The following GFOD1 variants were observed in gnomAD, a reference collection of about 807,000 sequenced individuals.
GFOD1 encodes the protein glucose-fructose oxidoreductase domain-containing protein 1.
GFOD1 carries 9 observed loss-of-function variants against 25.4 expected under a neutral mutation model. That is an observed-to-expected ratio of 0.35 (90% confidence interval 0.21 to 0.62). The LOEUF (loss-of-function observed/expected upper bound fraction) is 0.62, where lower values mean the gene tolerates loss of function less well. Ranked by LOEUF, GFOD1 falls within the 20% of genes least tolerant of loss-of-function variation. The pLI is 0.72. For missense variants in GFOD1, 403 were observed against 556.9 expected (o/e 0.72, Z 2.78); for synonymous variants, 253 against 245.6 (o/e 1.03, Z -0.28).
intron 1 of GFOD1, among the ~76,000 whole-genome samples, chr6:13,434,932 G>A (rs1757810361): frequency 6.6e-6 from 1 of 152,214 alleles, no homozygotes; most frequent in African/African-American, 2.4e-5. Context: ...GCGGCAGCAA[G>A]GTCACTGCAG....
rs1383096230 is a variant in GFOD1, at chr6:13,487,578, G to C, written c.-688C>G. On this transcript the variant is annotated 5_prime_UTR_variant, in exon 1 of 2. Transcript: ENST00000379287. This position sits in a 1 kb window ranked among gnomAD's most constrained non-coding sequence, Gnocchi z 4.9. ...CTCGCCTCGCGGCTCGGGCGGCCTC[G>C]GCCCCAGGCCGGCTCAGGCTCTGGG... 1.3e-5 allele frequency: 2 copies of C among 151,832 alleles called. No individual in the cohort carries two copies. Among genetic ancestry groups the C allele is most frequent in the African/African-American group, 4.8e-5 (2 of 41,368 alleles). The allele number at this position is 151,832 out of a possible 1,614,324, so 9.4% of individuals were successfully genotyped here.
chr6:13,473,722 T>C (rs1462583902), intron 1 of GFOD1, among the ~76,000 whole-genome samples: 1 of 152,182 alleles, frequency 6.6e-6, no homozygotes, highest in Non-Finnish European at 1.5e-5. Context: ...TCCTTTTCAA[T>C]TATTTAAATC....
chr6:13,394,975 G>T (rs1785698976), intron 1 of GFOD1, among the ~76,000 whole-genome samples: 2 of 152,072 alleles, frequency 1.3e-5, no homozygotes, highest in Admixed American at 6.6e-5. Flanking sequence ...TAGAGATAGG[G>T]TCTCACTGTG....
chr6:13,410,896 T>G (rs1485871819), intron 1 of GFOD1, among the ~76,000 whole-genome samples: 1 of 152,132 alleles, frequency 6.6e-6, no homozygotes, highest in Non-Finnish European at 1.5e-5. Flanking sequence ...ACCCTCTGCC[T>G]CAGCACAGAA....
At chr6:13,483,106 T>C (rs1409385088) in intron 1 of GFOD1, among the ~76,000 whole-genome samples, 3 of 152,058 alleles carry the variant, frequency 2.0e-5, no homozygotes, top group Non-Finnish European at 4.4e-5. Context: ...CATGAATATA[T>C]AGCCAATTCA....
At chr6:13,459,322 G>A (rs948669552) in intron 1 of GFOD1, among the ~76,000 whole-genome samples, 1 of 129,942 alleles carries the variant, frequency 7.7e-6, no homozygotes, top group Admixed American at 8.4e-5. Context: ...AACTGAAACT[G>A]GACCCCTTCC....
chr6:13,465,653 C>T (rs1442204782), intron 1 of GFOD1, among the ~76,000 whole-genome samples: 1 of 152,160 alleles, frequency 6.6e-6, no homozygotes, highest in Non-Finnish European at 1.5e-5. Flanking sequence ...GACACCTTCC[C>T]AGGTGTTCCT....
intron 1 of GFOD1, among the ~76,000 whole-genome samples, chr6:13,392,036 C>T (rs79458690): frequency 0.057 from 8,671 of 152,224 alleles, 324 homozygotes; most frequent in Middle Eastern, 0.088. Flanking sequence ...CTGGTAGACA[C>T]GAGGAGACAG....
Position 13,363,509 on chromosome 6 carries a change from T to A in GFOD1, c.*1234A>T, listed in dbSNP as rs1425379555. 6.7e-6 allele frequency: 1 copy of A among 150,300 alleles called. No individual in the cohort carries two copies. Among genetic ancestry groups the A allele is most frequent in the Non-Finnish European group, 1.5e-5 (1 of 67,540 alleles). The allele number at this position is 150,300 out of a possible 1,614,324, so 9.3% of individuals were successfully genotyped here. On this transcript the variant is annotated 3_prime_UTR_variant, in exon 2 of 2. Transcript: ENST00000379287. Reference sequence around the variant, plus strand: ...TCGTTTAGTACCTACCCCCAAATTCTCAGGTGTCAGAATCCTGAAAGCAAA... The same window carrying A: ...TCGTTTAGTACCTACCCCCAAATTCACAGGTGTCAGAATCCTGAAAGCAAA...
intron 1 of GFOD1, among the ~76,000 whole-genome samples, chr6:13,456,503 A>G (rs1758193087): frequency 6.6e-6 from 1 of 152,174 alleles, no homozygotes; most frequent in African/African-American, 2.4e-5. Flanking sequence ...TTTCTCATGA[A>G]TATTGTCATG....
chr6:13,431,785 T>G (rs952939238), intron 1 of GFOD1, among the ~76,000 whole-genome samples: 1 of 152,250 alleles, frequency 6.6e-6, no homozygotes, highest in East Asian at 1.9e-4. Flanking sequence ...GCACCAAGTA[T>G]GAAATGTCAC....
chr6:13,392,461 T>A (rs1309173286), intron 1 of GFOD1, among the ~76,000 whole-genome samples: 1 of 152,144 alleles, frequency 6.6e-6, no homozygotes, highest in Non-Finnish European at 1.5e-5. Flanking sequence ...TTAATTACTT[T>A]TTTTTTTAAT....
At chr6:13,398,462 T>C (rs7750578) in intron 1 of GFOD1, among the ~76,000 whole-genome samples, 6,436 of 152,308 alleles carry the variant, frequency 0.042, 346 homozygotes, top group African/African-American at 0.13. Context: ...ACACTTACTA[T>C]CTGCTTATTT....
chr6:13,483,457 A>G (rs1758798907), intron 1 of GFOD1, among the ~76,000 whole-genome samples: 1 of 152,216 alleles, frequency 6.6e-6, no homozygotes, highest in African/African-American at 2.4e-5. Context: ...TGTCACGCCA[A>G]TCAGCTGGGG....
chr6:13,429,325 G>A (rs1757707176), intron 1 of GFOD1, among the ~76,000 whole-genome samples: 1 of 152,204 alleles, frequency 6.6e-6, no homozygotes, highest in African/African-American at 2.4e-5. Context: ...TGAAATAATG[G>A]CTGTACTTAT....
chr6:13,441,151 G>A (rs191448904), intron 1 of GFOD1, among the ~76,000 whole-genome samples: 79 of 152,254 alleles, frequency 5.2e-4, no homozygotes, highest in African/African-American at 1.8e-3. Flanking sequence ...AGGGTAGTGC[G>A]GTGCCCACAC....
Position 13,358,089 on chromosome 6 carries a change from A to G in GFOD1, c.*6654T>C, listed in dbSNP as rs1268223752. ...TCCACAGTAGTTTGGCCTTAAAAAC[A>G]CTAAGAACAGTTGCATTCATTGTCT... On this transcript the variant is annotated 3_prime_UTR_variant, in exon 2 of 2. Coordinates refer to ENST00000379287, the MANE Select transcript of GFOD1 (RefSeq NM_018988.4). 6.6e-6 allele frequency: 1 copy of G among 152,214 alleles called. No homozygotes were observed. Among genetic ancestry groups the G allele is most frequent in the Non-Finnish European group, 1.5e-5 (1 of 68,040 alleles). 9.4% of individuals were successfully genotyped at this position (152,214 alleles called of 1,614,324 possible).
chr6:13,473,268 T>C (rs1448356196), intron 1 of GFOD1, among the ~76,000 whole-genome samples: 2 of 152,212 alleles, frequency 1.3e-5, no homozygotes, highest in Non-Finnish European at 2.9e-5. Flanking sequence ...CCATCGGATG[T>C]AAGCACCAAA....
chr6:13,382,828 C>A (rs1197396048), intron 1 of GFOD1, among the ~76,000 whole-genome samples: 2 of 152,276 alleles, frequency 1.3e-5, no homozygotes, highest in East Asian at 1.9e-4. Flanking sequence ...CCCAACCCTA[C>A]TCCCCAACAG....
Sources: allele counts gnomAD v4.1 joint callset (sites outside exome capture counted in the v4.1 genomes callset), GRCh38; gene constraint gnomAD v4.1.1; non-coding constraint Gnocchi (gnomAD v3.1); transcripts MANE v1.5; gene names NCBI Gene and HGNC (gene_info 2026-07-23, HGNC 2026-07-21).